IQCM: variants seen among roughly 807,000 people sequenced by gnomAD.
The protein encoded by IQCM is IQ domain-containing protein M.
IQCM carries 45 observed loss-of-function variants against 57.6 expected under a neutral mutation model. The observed-to-expected ratio is 0.78, with a 90% confidence interval of 0.62 to 1.00. The LOEUF (loss-of-function observed/expected upper bound fraction) is 1.00, where lower values mean the gene tolerates loss of function less well. Among genes scored for constraint, IQCM ranks in the 50% least tolerant of loss-of-function variants. The probability of loss-of-function intolerance (pLI) is 0.00; values close to 1 mark genes in which losing one functional copy is unlikely to be tolerated. For synonymous variants in IQCM, 148 were observed against 158.9 expected (o/e 0.93, Z 0.51); for missense variants, 468 against 511.6 (o/e 0.91, Z 0.82).
chr4:149,776,984 C>T (rs1454157574), intron 2 of IQCM, among the ~76,000 whole-genome samples: 3 of 151,938 alleles, frequency 2.0e-5, no homozygotes, highest in Admixed American at 6.6e-5. Context: ...ACCTCCAGAC[C>T]GCTTCTCATT....
intron 7 of IQCM, among the ~76,000 whole-genome samples, chr4:149,660,523 A>G (rs1760087718): frequency 6.6e-6 from 1 of 152,234 alleles, no homozygotes; most frequent in South Asian, 2.1e-4. Flanking sequence ...CTACAAAGAC[A>G]CATGCACATG....
chr4:149,360,261 G>T (rs1729376814), intron 13 of IQCM, among the ~76,000 whole-genome samples: 1 of 151,908 alleles, frequency 6.6e-6, no homozygotes, highest in Admixed American at 6.6e-5. Flanking sequence ...ACAATAAAAA[G>T]CAAAAATTAA....
intron 13 of IQCM, among the ~76,000 whole-genome samples, chr4:149,353,531 C>T (rs1272997825): frequency 6.6e-6 from 1 of 152,060 alleles, no homozygotes; most frequent in Non-Finnish European, 1.5e-5. Context: ...ATGGAAACAA[C>T]CTTAATATAT....
At chr4:149,592,759 A>T (rs1451111020) in intron 8 of IQCM, among the ~76,000 whole-genome samples, 21 of 152,028 alleles carry the variant, frequency 1.4e-4, no homozygotes, top group Admixed American at 1.4e-3. Flanking sequence ...CAAAGATCAG[A>T]TGGTTGTAGA....
intron 13 of IQCM, among the ~76,000 whole-genome samples, chr4:149,370,806 G>A (rs1275707695): frequency 6.6e-6 from 1 of 151,682 alleles, no homozygotes; most frequent in Non-Finnish European, 1.5e-5. Flanking sequence ...CACTCTGATA[G>A]GTTTCCAACA....
intron 12 of IQCM, among the ~76,000 whole-genome samples, chr4:149,544,493 A>C: frequency 6.6e-6 from 1 of 152,164 alleles, no homozygotes; most frequent in East Asian, 1.9e-4. Context: ...AAAATGATCT[A>C]TTGATTCAAT....
chr4:149,773,904 A>G (rs575872125), intron 2 of IQCM, among the ~76,000 whole-genome samples: 1 of 152,266 alleles, frequency 6.6e-6, no homozygotes, highest in African/African-American at 2.4e-5. Context: ...TTGAAGATTT[A>G]GAATATAGTT....
chr4:149,529,877 A>T (rs1208384685), intron 12 of IQCM, among the ~76,000 whole-genome samples: 1 of 152,208 alleles, frequency 6.6e-6, no homozygotes, highest in Non-Finnish European at 1.5e-5. Flanking sequence ...TCATATTTAC[A>T]ATAAAATCCA....
At chr4:149,660,285 C>A (rs1257059743) in intron 7 of IQCM, among the ~76,000 whole-genome samples, 3 of 152,056 alleles carry the variant, frequency 2.0e-5, no homozygotes, top group African/African-American at 7.2e-5. Context: ...CAATGAGATA[C>A]CACCTCACAC....
At chr4:149,549,707 T>C (rs1473146900) in intron 11 of IQCM, among the ~76,000 whole-genome samples, 1 of 152,192 alleles carries the variant, frequency 6.6e-6, no homozygotes, top group Non-Finnish European at 1.5e-5. Context: ...TGTCAGGGAC[T>C]GCTCAAATAC....
At chr4:149,389,515 A>T (rs962456352) in intron 13 of IQCM, among the ~76,000 whole-genome samples, 2 of 151,700 alleles carry the variant, frequency 1.3e-5, no homozygotes, top group African/African-American at 4.8e-5. Flanking sequence ...ACACCATGGA[A>T]TACTATGCAG....
At chr4:149,621,506 G>T (rs551187259) in intron 7 of IQCM, among the ~76,000 whole-genome samples, 1 of 152,006 alleles carries the variant, frequency 6.6e-6, no homozygotes, top group Admixed American at 6.6e-5. Flanking sequence ...AAAACTATAG[G>T]TTCATTCTCT....
chr4:149,579,631 G>A (rs1332984271), intron 9 of IQCM, among the ~76,000 whole-genome samples: 2 of 151,904 alleles, frequency 1.3e-5, no homozygotes, highest in Non-Finnish European at 2.9e-5. Context: ...TCTTGGGCAG[G>A]ACCTTTGCAT....
chr4:149,805,017 G>C (rs1050865018), intron 2 of IQCM, among the ~76,000 whole-genome samples: 1 of 152,030 alleles, frequency 6.6e-6, no homozygotes, highest in Admixed American at 6.6e-5. Context: ...TTGCTGCCCT[G>C]TTGGCCACTT....
intron 2 of IQCM, among the ~76,000 whole-genome samples, chr4:149,806,782 A>G (rs1774118425): frequency 6.6e-6 from 1 of 152,006 alleles, no homozygotes; most frequent in Non-Finnish European, 1.5e-5. Context: ...CTATACATGT[A>G]TCACAGCAAA....
chr4:149,546,517 T>G (rs1244576334), intron 12 of IQCM, among the ~76,000 whole-genome samples: 2 of 152,216 alleles, frequency 1.3e-5, no homozygotes, highest in African/African-American at 2.4e-5. Flanking sequence ...CCATTCTAAC[T>G]GGTGTCAGAT....
chr4:149,457,726 G>T (rs1435597813), intron 12 of IQCM, among the ~76,000 whole-genome samples: 1 of 151,904 alleles, frequency 6.6e-6, no homozygotes, highest in Non-Finnish European at 1.5e-5. Context: ...CAACGTTATG[G>T]TTTAAAGATG....
At chr4:149,602,912 T>C (rs141161852) in intron 8 of IQCM, among the ~76,000 whole-genome samples, 8 of 152,128 alleles carry the variant, frequency 5.3e-5, no homozygotes, top group African/African-American at 1.4e-4. Context: ...AATTTAACCA[T>C]ATATAACAAA....
At chr4:149,387,703 T>C (rs1222145666) in intron 13 of IQCM, among the ~76,000 whole-genome samples, 2 of 152,022 alleles carry the variant, frequency 1.3e-5, no homozygotes, top group African/African-American at 4.8e-5. Context: ...TCATGAACCA[T>C]AAATTTCACT....
Sources: allele counts gnomAD v4.1 joint callset (sites outside exome capture counted in the v4.1 genomes callset), GRCh38; gene constraint gnomAD v4.1.1; transcripts MANE v1.5; gene names NCBI Gene and HGNC (gene_info 2026-07-23, HGNC 2026-07-21).